Variants in AKAP9 observed in about 807,000 individuals in gnomAD.
AKAP9 encodes A-kinase anchor protein 9.
Under a neutral mutation model 488.5 loss-of-function variants are expected in AKAP9, and 311 were observed. The ratio of observed to expected loss-of-function variants is 0.64; its 90% CI spans 0.58 to 0.70. The LOEUF (loss-of-function observed/expected upper bound fraction) is 0.70, where lower values mean the gene tolerates loss of function less well. AKAP9 is among the 30% of genes least tolerant of loss of function. The pLI is 0.00. For missense variants in AKAP9, 4,215 were observed against 4,374.5 expected (o/e 0.96, Z 1.03); for synonymous variants, 1,462 against 1,483.5 (o/e 0.99, Z 0.33).
In AKAP9 at chr7:92,029,958, T is replaced by C; in HGVS notation, c.4212T>C (p.Ser1404=). The C allele has an allele frequency of 5.6e-6, 9 of 1,612,828 alleles. No homozygotes were observed. The highest frequency in any genetic ancestry group is 4.2e-6 in the Non-Finnish European group (5 of 1,179,072). ...SDAQRTMYPG[S]CVKKNIDGTI... ...CACAGAGAACAATGTACCCTGGAAG[T>C]TGTGTGAAAAAGAATATTGATGGTA... The change falls in exon 15 of 50, where the codon AGT becomes AGC. Residue 1404 remains serine (S), a synonymous_variant. Coordinates refer to ENST00000356239, the MANE Select transcript of AKAP9 (RefSeq NM_005751.5).
intron 1 of AKAP9, among the ~76,000 whole-genome samples, chr7:91,966,260 A>G (rs996131182): frequency 2.0e-5 from 3 of 151,408 alleles, no homozygotes; most frequent in African/African-American, 7.3e-5. Flanking sequence ...GATCTTAGAC[A>G]AAAAAAAACT....
chr7:91,981,100 A>G (rs935497969), intron 3 of AKAP9, among the ~76,000 whole-genome samples: 8 of 152,226 alleles, frequency 5.3e-5, no homozygotes, highest in African/African-American at 1.9e-4. Flanking sequence ...GAATATACTT[A>G]CTAGTAATCT....
At chr7:92,042,325 G>T (rs1806258946) in intron 19 of AKAP9, 139 bp downstream of exon 19, 1 of 1,149,936 alleles carries the variant, frequency 8.7e-7, no homozygotes, top group Non-Finnish European at 1.3e-6. Flanking sequence ...TGTAAGGTAG[G>T]TGGAGTCAAA....
chr7:92,016,052 A>G (rs1353660952), intron 10 of AKAP9, 77 bp from the exon 11 acceptor site: 8 of 1,267,046 alleles, frequency 6.3e-6, no homozygotes, highest in Admixed American at 3.6e-5. Flanking sequence ...CCTTGCATCT[A>G]GGAGAATTAT....
chr7:91,959,035 C>T (rs1385494777), intron 1 of AKAP9, among the ~76,000 whole-genome samples: 2 of 152,022 alleles, frequency 1.3e-5, no homozygotes, highest in East Asian at 1.9e-4. Context: ...CAGGCCTGCA[C>T]CACCACGCCC....
At chr7:91,960,331 C>G (rs1393841570) in intron 1 of AKAP9, among the ~76,000 whole-genome samples, 1 of 152,110 alleles carries the variant, frequency 6.6e-6, no homozygotes, top group Non-Finnish European at 1.5e-5. Context: ...TGCTCATGTT[C>G]TTTAAGTTAC....
chr7:91,947,054 A>AT (rs1208590326), intron 1 of AKAP9, among the ~76,000 whole-genome samples: 1 of 152,122 alleles, frequency 6.6e-6, no homozygotes, highest in Non-Finnish European at 1.5e-5. Flanking sequence ...TAAAATTAAG[A>AT]TTAGTCACTT....
chr7:92,086,458 A>C, intron 37 of AKAP9, 42 bp downstream of exon 37: 1 of 1,468,218 alleles, frequency 6.8e-7, no homozygotes, highest in Non-Finnish European at 9.5e-7. Context: ...AATAGAAATA[A>C]GGAAATGACT....
At chr7:92,050,011 A>T (rs1807667867) in intron 21 of AKAP9, among the ~76,000 whole-genome samples, 1 of 151,970 alleles carries the variant, frequency 6.6e-6, no homozygotes. Context: ...AAAATTTAAG[A>T]AGTGTTGAAT....
chr7:92,074,351 A>G (rs1373128725), intron 28 of AKAP9, among the ~76,000 whole-genome samples: 1 of 152,048 alleles, frequency 6.6e-6, no homozygotes, highest in Non-Finnish European at 1.5e-5. Flanking sequence ...GTAATCATTA[A>G]AGAGGAAACA....
intron 1 of AKAP9, among the ~76,000 whole-genome samples, chr7:91,942,861 T>A (rs1343236332): frequency 1.3e-5 from 2 of 152,100 alleles, no homozygotes; most frequent in African/African-American, 2.4e-5. Context: ...AATTTAGCCC[T>A]TTTTCCAGTA....
intron 23 of AKAP9, among the ~76,000 whole-genome samples, chr7:92,061,662 T>A (rs1174989000): frequency 1.4e-5 from 2 of 142,550 alleles, no homozygotes; most frequent in Admixed American, 1.4e-4. Context: ...AAATAATAAT[T>A]TCAGAAAATA....
At chr7:91,945,850 T>C (rs1436091515) in intron 1 of AKAP9, among the ~76,000 whole-genome samples, 1 of 152,248 alleles carries the variant, frequency 6.6e-6, no homozygotes, top group East Asian at 1.9e-4. Context: ...AAAGGAAGTA[T>C]TGTAATTTAA....
chr7:91,981,932 T>C (rs1470856814), intron 3 of AKAP9, among the ~76,000 whole-genome samples: 1 of 152,192 alleles, frequency 6.6e-6, no homozygotes, highest in African/African-American at 2.4e-5. Flanking sequence ...CTGAAAGTCA[T>C]AAATGCTTTG....
At chr7:92,063,440 T>A in intron 24 of AKAP9, 1 of 982,762 alleles carries the variant, frequency 1.0e-6, no homozygotes, top group Non-Finnish European at 1.2e-6. Context: ...GTCTTTTTTT[T>A]TTTTTTTCTC....
At chr7:91,989,065 T>G (rs889871803) in intron 3 of AKAP9, among the ~76,000 whole-genome samples, 1 of 152,208 alleles carries the variant, frequency 6.6e-6, no homozygotes, top group Admixed American at 6.5e-5. Flanking sequence ...AAGTGTGGTT[T>G]TTTAAATTGC....
chr7:92,014,890 G>A (rs1801293075), intron 10 of AKAP9, among the ~76,000 whole-genome samples: 2 of 152,132 alleles, frequency 1.3e-5, no homozygotes, highest in Non-Finnish European at 2.9e-5. Context: ...TGCCATAGAT[G>A]AGTTATAAGG....
At chr7:92,016,784 A>G (rs566036671) in intron 11 of AKAP9, among the ~76,000 whole-genome samples, 45 of 152,264 alleles carry the variant, frequency 3.0e-4, no homozygotes, top group African/African-American at 9.9e-4. Context: ...AACAAAATGT[A>G]TATAAATTAA....
intron 4 of AKAP9, 131 bp downstream of exon 4, chr7:91,992,342 A>T (rs1263450854): frequency 1.3e-6 from 1 of 782,506 alleles, no homozygotes; most frequent in Non-Finnish European, 2.2e-6. Flanking sequence ...ATGTTTACTA[A>T]AACAAAGTTA....
Sources: gnomAD v4.1 joint callset for allele counts (sites outside exome capture counted in the v4.1 genomes callset) on GRCh38, gnomAD v4.1.1 for gene constraint, MANE v1.5 for transcripts, NCBI Gene and HGNC (gene_info 2026-07-23, HGNC 2026-07-21) for gene names.